Variants in CFAP43 observed in about 807,000 individuals in gnomAD.
The protein encoded by CFAP43 is cilia and flagella associated protein 43.
CFAP43 carries 155 observed loss-of-function variants against 218.9 expected under a neutral mutation model. The ratio of observed to expected loss-of-function variants is 0.71; its 90% CI spans 0.62 to 0.81. The LOEUF is 0.81. Among genes scored for constraint, CFAP43 ranks in the 30% least tolerant of loss-of-function variants. CFAP43 has a pLI of 0.00. For synonymous variants in CFAP43, 645 were observed against 681.3 expected, an observed-to-expected ratio of 0.95 and a Z score of 0.83; for missense variants, 1,778 against 1,954.3, an observed-to-expected ratio of 0.91 and a Z score of 1.70.
intron 28 of CFAP43, among the ~76,000 whole-genome samples, chr10:104,150,150 T>A (rs2088179943): frequency 6.6e-6 from 1 of 152,218 alleles, no homozygotes; most frequent in Non-Finnish European, 1.5e-5. Context: ...AATACTCCCT[T>A]GTATGGATAC....
Position 104,161,129 on chromosome 10 carries a change from C to G in CFAP43, c.3448G>C (p.Asp1150His). 1 of 1,613,758 alleles carries G rather than the reference C, an allele frequency of 6.2e-7. No individual in the cohort carries two copies. The highest frequency in any genetic ancestry group is 8.5e-7 in the Non-Finnish European group (1 of 1,179,866). ...IPQPAFMAKPDAVWTEEERKQ... is the reference protein window; with the variant it reads ...IPQPAFMAKPHAVWTEEERKQ... ...CTTTCTTCTTCAGTCCACACAGCAT[C>G]AGGTTTTGCCATGAAAGCAGGTTGA... The change falls in exon 27 of 38, where the codon GAT (aspartate) becomes CAT (histidine). Residue 1150 changes from aspartate to histidine, a missense_variant. Transcript: ENST00000357060.
intron 12 of CFAP43, among the ~76,000 whole-genome samples, chr10:104,191,754 T>G (rs1221038096): frequency 6.9e-6 from 1 of 144,868 alleles, no homozygotes; most frequent in Non-Finnish European, 1.5e-5. Flanking sequence ...AAAAAAAATT[T>G]TTTTTAAGGA....
intron 37 of CFAP43, among the ~76,000 whole-genome samples, chr10:104,130,998 CAAAAAAAAAAA>C (rs1163188252): frequency 1.8e-5 from 1 of 56,724 alleles, no homozygotes; most frequent in Non-Finnish European, 3.6e-5. Context: ...CACCCTGTCT[CAAAAAAAAAAA>C]AAAAAAAAAA....
intron 20 of CFAP43, among the ~76,000 whole-genome samples, chr10:104,171,713 G>A (rs1016663467): frequency 6.6e-6 from 1 of 152,214 alleles, no homozygotes; most frequent in African/African-American, 2.4e-5. Flanking sequence ...AAATCCATAT[G>A]AGCAAACAAT....
Position 104,152,929 on chromosome 10 carries a change from T to A in CFAP43, c.3541-203A>T, listed in dbSNP as rs141947507. ...TGTTGAGATTTTTGCTTAGAAAAGA[T>A]TACATTGGGGAAAAAAACTTAAAAT... On this transcript the variant is annotated intron_variant, in intron 27 of 37. Coordinates refer to ENST00000357060, the MANE Select transcript of CFAP43 (RefSeq NM_025145.7). Among the ~76,000 whole-genome samples the A allele has an allele frequency of 1.5e-3, 231 of 152,166 alleles. 2 individuals are homozygous for A. The highest frequency in any genetic ancestry group is 5.5e-3 in the African/African-American group (227 of 41,520).
chr10:104,210,857 C>T lies in CFAP43; in HGVS notation c.735+1150G>A, dbSNP rs368149500. On this transcript the variant is annotated intron_variant, in intron 5 of 37. Transcript: ENST00000357060. Reference sequence around the variant, plus strand: ...CCAGGCTGGAGTGCAGTGGCGTGATCTCGACTCACTGCAAGTTCTGCCTCC... The same window carrying T: ...CCAGGCTGGAGTGCAGTGGCGTGATTTCGACTCACTGCAAGTTCTGCCTCC... Among the ~76,000 whole-genome samples, 6 of 125,554 alleles carry T rather than the reference C, an allele frequency of 4.8e-5. No individual in the cohort carries two copies. The East Asian group carries it at 1.3e-3, about 27-fold the overall frequency. The allele number at this position is 125,554 out of a possible 152,430, so 82.4% of individuals were successfully genotyped here.
intron 27 of CFAP43, among the ~76,000 whole-genome samples, chr10:104,153,024 A>G (rs2088352238): frequency 6.6e-6 from 1 of 152,202 alleles, no homozygotes; most frequent in African/African-American, 2.4e-5. Context: ...TCTTTCCAGA[A>G]AATCCTCACT....
chr10:104,219,847 A>G (rs940470293), intron 3 of CFAP43, among the ~76,000 whole-genome samples: 3 of 152,166 alleles, frequency 2.0e-5, no homozygotes, highest in Non-Finnish European at 4.4e-5. Flanking sequence ...GCCTTTGCAC[A>G]TGCCATTCCT....
intron 27 of CFAP43, among the ~76,000 whole-genome samples, chr10:104,153,969 C>A (rs1367614362): frequency 1.3e-5 from 2 of 152,156 alleles, no homozygotes; most frequent in African/African-American, 4.8e-5. Flanking sequence ...ACATTTTTAG[C>A]AGGAACACTA....
rs567969124 is a variant in CFAP43 at position 104,222,131 on chromosome 10, A to G, written c.416+3330T>C. On this transcript the variant is annotated intron_variant, in intron 3 of 37. Coordinates refer to ENST00000357060, the MANE Select transcript of CFAP43 (RefSeq NM_025145.7). ...AGATCAATTTACTTCCAGGAGTCAA[A>G]TCATGGTACTTGGGCTCCTCCTGGT... Among the ~76,000 whole-genome samples the G allele has an allele frequency of 3.3e-5, 5 of 152,334 alleles. No homozygotes were observed. In the East Asian group the frequency reaches 9.6e-4, roughly 29 times the overall value.
intron 3 of CFAP43, among the ~76,000 whole-genome samples, chr10:104,217,325 T>TTTTTC (rs898181815): frequency 6.7e-6 from 1 of 149,324 alleles, no homozygotes; most frequent in Non-Finnish European, 1.5e-5. Context: ...TCTTTCTTTC[T>TTTTTC]TTTTCTTTTC....
chr10:104,130,959 A>G, intron 37 of CFAP43, among the ~76,000 whole-genome samples: 1 of 145,454 alleles, frequency 6.9e-6, no homozygotes. Flanking sequence ...AGATCATACC[A>G]CTGCACTGCA....
intron 17 of CFAP43, among the ~76,000 whole-genome samples, chr10:104,181,645 G>A (rs2089848650): frequency 6.6e-6 from 1 of 152,004 alleles, no homozygotes; most frequent in Non-Finnish European, 1.5e-5. Context: ...AACTGCACAG[G>A]TCTTTTTTAG....
chr10:104,221,561 GA>G (rs2091182480), intron 3 of CFAP43, among the ~76,000 whole-genome samples: 3 of 152,154 alleles, frequency 2.0e-5, no homozygotes, highest in African/African-American at 7.2e-5. Flanking sequence ...CTGGCACCTT[GA>G]TCTTGGAATT....
At chr10:104,221,732 C>A (rs2091186935) in intron 3 of CFAP43, among the ~76,000 whole-genome samples, 1 of 152,176 alleles carries the variant, frequency 6.6e-6, no homozygotes, top group Non-Finnish European at 1.5e-5. Flanking sequence ...ATCTTATAAT[C>A]TGTTTGAAAA....
At chr10:104,174,735 C>T (rs982303724) in intron 19 of CFAP43, among the ~76,000 whole-genome samples, 3 of 151,882 alleles carry the variant, frequency 2.0e-5, no homozygotes, top group African/African-American at 4.8e-5. Flanking sequence ...ATATAATATA[C>T]ACATATGTAA....
rs779613122 is a variant in CFAP43 at position 104,214,439 on chromosome 10, T to C, written c.417-13A>G. The C allele has an allele frequency of 3.2e-6, 5 of 1,542,452 alleles. No homozygotes were observed. Among genetic ancestry groups the C allele is most frequent in the South Asian group, 1.2e-5 (1 of 81,140 alleles). On this transcript the variant is annotated splice_polypyrimidine_tract_variant and intron_variant, in intron 3 of 37. Coordinates refer to ENST00000357060, the MANE Select transcript of CFAP43 (RefSeq NM_025145.7). ...CGATTCCCAGTTCCTTAGAGAAAAA[T>C]AGCATTTGATGAAAAAAAGTTCATT... is the stretch of plus-strand genomic sequence containing the variant.
rs114788525 is a variant in CFAP43, at chr10:104,187,071, T to G, written c.1860+249A>C. ...GTTTTTTAAGGCACTAAACTAATAT[T>G]GTGTCATCTGCATGTTTATCTGACA... On this transcript the variant is annotated intron_variant, in intron 14 of 37. Coordinates refer to ENST00000357060, the MANE Select transcript of CFAP43 (RefSeq NM_025145.7). 3.0e-3 allele frequency among the ~76,000 whole-genome samples: 457 copies of G among 152,354 alleles called. 6 individuals are homozygous for G. The highest frequency in any genetic ancestry group is 0.011 in the African/African-American group (447 of 41,580).
chr10:104,230,778 C>G lies in CFAP43; in HGVS notation c.131G>C (p.Cys44Ser), dbSNP rs371115024. 5.3e-5 allele frequency: 85 copies of G among 1,613,946 alleles called. No individual in the cohort carries two copies. In the Middle Eastern group the frequency reaches 6.6e-4, roughly 13 times the overall value. ...FVNDNTICYPCGNYVIFINIE... is the reference protein window; with the variant it reads ...FVNDNTICYPSGNYVIFINIE... ...ATTAATAAATATTACATAATTCCCACAAGGGTAGCAAATGGTGTTGTCGTT... is the reference window on the plus strand; with the variant it reads ...ATTAATAAATATTACATAATTCCCAGAAGGGTAGCAAATGGTGTTGTCGTT... Residue 44 changes from cysteine to serine, a missense_variant, in exon 2 of 38, where the codon TGT becomes TCT. By Grantham distance (112) the Cys-to-Ser change is moderately radical. Around this residue, in one of 3 missense-constraint regions of CFAP43, gnomAD observed 1,553 missense variants for 1,685.2 expected, o/e 0.92. Transcript: ENST00000357060.
Sources: gnomAD v4.1 joint callset for allele counts (sites outside exome capture counted in the v4.1 genomes callset) on GRCh38, gnomAD v4.1.1 for gene constraint, gnomAD v4.1.1 regional missense constraint, MANE v1.5 for transcripts, NCBI Gene and HGNC (gene_info 2026-07-23, HGNC 2026-07-21) for gene names.